Variants in DLG2 observed in about 807,000 individuals in gnomAD.
DLG2 encodes disks large homolog 2.
A neutral mutation model predicts 132.5 loss-of-function variants in DLG2; 45 were observed. That is an observed-to-expected ratio of 0.34 (90% CI 0.27 to 0.44). The LOEUF is 0.44. Ranked by LOEUF, DLG2 falls within the 20% of genes least tolerant of loss-of-function variation. The pLI is 1.00. For synonymous variants in DLG2, 424 were observed against 419.6 expected, an observed-to-expected ratio of 1.01 and a Z score of -0.13; for missense variants, 1,045 against 1,196.9, an observed-to-expected ratio of 0.87 and a Z score of 1.87.
At chr11:83,670,649 C>T (rs1310474475) in intron 18 of DLG2, among the ~76,000 whole-genome samples, 1 of 151,784 alleles carries the variant, frequency 6.6e-6, no homozygotes, top group African/African-American at 2.4e-5. Context: ...GCAATTCCAT[C>T]TGGTCTGCTA....
In DLG2 at chr11:85,352,968, A is replaced by G. The variant is rs373688169; in HGVS notation, c.41-67603T>C. Among the ~76,000 whole-genome samples the G allele has an allele frequency of 2.0e-4, 31 of 152,328 alleles. No homozygotes were observed. The East Asian group carries it at 3.1e-3, about 15-fold the overall frequency. On this transcript the variant is annotated intron_variant, in intron 3 of 27. Coordinates refer to ENST00000376104, the MANE Select transcript of DLG2 (RefSeq NM_001142699.3). ...TAAAACACCAAAAGCAATAGCAACA[A>G]AAGCCAAAATTGACAAATGGGATCT...
At chr11:84,953,752 TA>T (rs2051262247) in intron 6 of DLG2, among the ~76,000 whole-genome samples, 1 of 152,166 alleles carries the variant, frequency 6.6e-6, no homozygotes, top group African/African-American at 2.4e-5. Flanking sequence ...AAACTAATCA[TA>T]TCATTTCTTT....
intron 7 of DLG2, among the ~76,000 whole-genome samples, chr11:84,490,239 G>T (rs887107964): frequency 5.3e-5 from 8 of 152,090 alleles, no homozygotes; most frequent in African/African-American, 1.9e-4. Flanking sequence ...AAGTAAGATT[G>T]TATTACTAAA....
chr11:84,466,671 G>T (rs529257074), intron 7 of DLG2, among the ~76,000 whole-genome samples: 28 of 151,460 alleles, frequency 1.8e-4, no homozygotes, highest in South Asian at 4.1e-4. Context: ...CATATTTCTA[G>T]TGGGGGTACT....
chr11:84,019,976 G>C (rs538382024), intron 11 of DLG2, among the ~76,000 whole-genome samples: 45 of 152,248 alleles, frequency 3.0e-4, no homozygotes, highest in African/African-American at 1.0e-3. Flanking sequence ...CAGAGAGAGG[G>C]CATGCCAGAG....
At chr11:83,934,445 G>A (rs887159380) in intron 14 of DLG2, among the ~76,000 whole-genome samples, 11 of 151,220 alleles carry the variant, frequency 7.3e-5, no homozygotes, top group Admixed American at 3.3e-4. Flanking sequence ...GCTGTTTCTC[G>A]GTGTCCCCTT....
At chr11:84,259,135 G>A (rs1483713887) in intron 7 of DLG2, among the ~76,000 whole-genome samples, 3 of 151,992 alleles carry the variant, frequency 2.0e-5, no homozygotes, top group Non-Finnish European at 2.9e-5. Flanking sequence ...AGCCGGGCAT[G>A]GGGGTGGGTG....
intron 4 of DLG2, among the ~76,000 whole-genome samples, chr11:85,170,186 A>G (rs1176149478): frequency 6.6e-6 from 1 of 152,232 alleles, no homozygotes; most frequent in Non-Finnish European, 1.5e-5. Flanking sequence ...GTGAAGAAAC[A>G]TGACTGGACA....
At chr11:84,925,898 A>G (rs1202147423) in intron 6 of DLG2, among the ~76,000 whole-genome samples, 1 of 152,158 alleles carries the variant, frequency 6.6e-6, no homozygotes, top group African/African-American at 2.4e-5. Flanking sequence ...GAAAACACAG[A>G]TTTGATTTTG....
At chr11:84,688,986 G>T (rs12278864) in intron 6 of DLG2, among the ~76,000 whole-genome samples, 14,343 of 152,230 alleles carry the variant, frequency 0.094, 816 homozygotes, top group African/African-American at 0.14. Flanking sequence ...GAATGTGGGA[G>T]AGGCCTTCCT....
intron 6 of DLG2, among the ~76,000 whole-genome samples, chr11:84,823,955 C>T (rs1420820195): frequency 6.6e-6 from 1 of 151,868 alleles, no homozygotes; most frequent in African/African-American, 2.4e-5. Flanking sequence ...TGAGTGATTA[C>T]TATGTTCTAG....
intron 6 of DLG2, among the ~76,000 whole-genome samples, chr11:84,841,497 A>G (rs1160094319): frequency 6.6e-6 from 1 of 152,056 alleles, no homozygotes; most frequent in Non-Finnish European, 1.5e-5. Flanking sequence ...CATTACTCTG[A>G]TAACATCAGT....
At chr11:84,681,176 T>C (rs1438810247) in intron 6 of DLG2, among the ~76,000 whole-genome samples, 2 of 152,222 alleles carry the variant, frequency 1.3e-5, no homozygotes, top group African/African-American at 2.4e-5. Context: ...TCAATAATCA[T>C]ATAGGAAAGC....
At chr11:83,542,244 T>C (rs528588312) in intron 19 of DLG2, among the ~76,000 whole-genome samples, 1 of 152,160 alleles carries the variant, frequency 6.6e-6, no homozygotes, top group African/African-American at 2.4e-5. Flanking sequence ...AAGAGAAACA[T>C]GGCTATATTT....
chr11:85,320,227 G>C (rs1240451213), intron 3 of DLG2, among the ~76,000 whole-genome samples: 8 of 151,860 alleles, frequency 5.3e-5, no homozygotes, highest in Non-Finnish European at 1.0e-4. Flanking sequence ...GCATTATTTA[G>C]GGATAGAAAG....
At chr11:84,294,742 A>G (rs1313228178) in intron 7 of DLG2, among the ~76,000 whole-genome samples, 5 of 152,348 alleles carry the variant, frequency 3.3e-5, no homozygotes, top group East Asian at 3.9e-4. Flanking sequence ...TAGGTCACCA[A>G]TCTGTCCTTT....
intron 10 of DLG2, among the ~76,000 whole-genome samples, chr11:84,065,640 T>A (rs2096659387): frequency 6.6e-6 from 1 of 152,172 alleles, no homozygotes; most frequent in South Asian, 2.1e-4. Flanking sequence ...GTTCAGCCAT[T>A]GTGGGAAGGA....
intron 3 of DLG2, among the ~76,000 whole-genome samples, chr11:85,317,977 C>A (rs1472890571): frequency 1.3e-5 from 2 of 151,766 alleles, no homozygotes. Flanking sequence ...CCACAATACT[C>A]ATAATCAGGA....
At chr11:83,975,393 T>C (rs944668651) in intron 12 of DLG2, among the ~76,000 whole-genome samples, 1 of 152,036 alleles carries the variant, frequency 6.6e-6, no homozygotes, top group African/African-American at 2.4e-5. Flanking sequence ...AAATTCTAAG[T>C]GACAAAGGAA....
Sources: allele counts gnomAD v4.1 joint callset (sites outside exome capture counted in the v4.1 genomes callset), GRCh38; gene constraint gnomAD v4.1.1; transcripts MANE v1.5; gene names NCBI Gene and HGNC (gene_info 2026-07-23, HGNC 2026-07-21).